Variants in SLC36A1 observed in about 807,000 individuals in gnomAD.
SLC36A1 encodes solute carrier family 36 member 1.
A neutral mutation model predicts 47.5 loss-of-function variants in SLC36A1; 30 were observed. The ratio of observed to expected loss-of-function variants is 0.63; its 90% CI spans 0.47 to 0.86. SLC36A1 has a LOEUF of 0.86. SLC36A1 is among the 40% of genes least tolerant of loss of function. The probability of loss-of-function intolerance (pLI) is 0.00; values close to 1 mark genes in which losing one functional copy is unlikely to be tolerated. For synonymous variants in SLC36A1, 255 were observed against 249.7 expected, an observed-to-expected ratio of 1.02 and a Z score of -0.20; for missense variants, 517 against 606.0, an observed-to-expected ratio of 0.85 and a Z score of 1.54.
chr5:151,532,381 G>T, the SLC36A1 span, among the ~76,000 whole-genome samples: 15 of 99,032 alleles, frequency 1.5e-4, no homozygotes, highest in African/African-American at 6.9e-4. Flanking sequence ...CTAAGTGTGC[G>T]TGTACAAACA....
chr5:151,495,821 C>T (rs1227556487), downstream of SLC36A1, among the ~76,000 whole-genome samples: 1 of 152,000 alleles, frequency 6.6e-6, no homozygotes, highest in Non-Finnish European at 1.5e-5. Context: ...GTATAATTTC[C>T]TTGATGTTCA....
the SLC36A1 span, among the ~76,000 whole-genome samples, chr5:151,356,405 A>C: frequency 1.3e-5 from 2 of 151,000 alleles, no homozygotes; most frequent in South Asian, 4.2e-4. Context: ...AAGTGCTACG[A>C]GAGAGAGATG....
chr5:151,480,185 C>T (rs529517780), intron 10 of SLC36A1: 3 of 740,810 alleles, frequency 4.0e-6, no homozygotes, highest in Middle Eastern at 4.1e-4. Flanking sequence ...CTGAGCAAAT[C>T]GGTTGATAAT....
At chr5:151,436,501 C>T (rs1400762770), upstream of SLC36A1, among the ~76,000 whole-genome samples, 1 of 151,898 alleles carries the variant, frequency 6.6e-6, no homozygotes, top group Non-Finnish European at 1.5e-5. Flanking sequence ...CACAGGTTCT[C>T]ACACAACCAT....
chr5:151,516,648 T>A, the SLC36A1 span, among the ~76,000 whole-genome samples: 1 of 152,234 alleles, frequency 6.6e-6, no homozygotes, highest in Admixed American at 6.5e-5. Flanking sequence ...ATGTTTATTG[T>A]CAGTCTCTCC....
At chr5:151,461,719 G>A (rs1002510701) in intron 2 of SLC36A1, among the ~76,000 whole-genome samples, 13 of 152,054 alleles carry the variant, frequency 8.5e-5, no homozygotes, top group South Asian at 8.3e-4. Context: ...ACTAGTTGTC[G>A]TTGTATTTTT....
At chr5:151,529,230 G>A in the SLC36A1 span, 2 of 1,614,114 alleles carry the variant, frequency 1.2e-6, no homozygotes, top group African/African-American at 1.3e-5. Flanking sequence ...TGTGCTATAT[G>A]GATCTTGGGG....
At chr5:151,461,781 T>C (rs923491669) in intron 2 of SLC36A1, among the ~76,000 whole-genome samples, 2 of 152,220 alleles carry the variant, frequency 1.3e-5, no homozygotes, top group Admixed American at 6.5e-5. Flanking sequence ...ATAATGTCTT[T>C]GATGAAACTG....
chr5:151,422,442 A>G, the SLC36A1 span, among the ~76,000 whole-genome samples: 67,301 of 152,100 alleles, frequency 0.44, 15,302 homozygotes, highest in East Asian at 0.56. Context: ...AGGGCCTGGA[A>G]CAGTGGCTCA....
the SLC36A1 span, chr5:151,431,142 A>C: frequency 6.6e-6 from 1 of 152,036 alleles, no homozygotes; most frequent in African/African-American, 2.4e-5. Flanking sequence ...ACTTCTCTAC[A>C]CCTCTTTGCT....
the SLC36A1 span, chr5:151,549,507 T>C: frequency 6.2e-7 from 1 of 1,614,020 alleles, no homozygotes; most frequent in African/African-American, 1.3e-5. Flanking sequence ...GTCTCGGACC[T>C]ATGGGCCCAA....
chr5:151,473,449 C>A (rs1478016420), intron 7 of SLC36A1, among the ~76,000 whole-genome samples: 2 of 151,982 alleles, frequency 1.3e-5, no homozygotes, highest in Admixed American at 6.6e-5. Flanking sequence ...TTTAATAGTA[C>A]CTTGGGCTTG....
chr5:151,549,213 T>C, the SLC36A1 span: 2 of 1,318,644 alleles, frequency 1.5e-6, no homozygotes, highest in Non-Finnish European at 2.1e-6. Context: ...CTTGATTAAT[T>C]TGCGAATTCA....
the SLC36A1 span, among the ~76,000 whole-genome samples, chr5:151,554,974 C>T: frequency 1.3e-5 from 2 of 152,186 alleles, no homozygotes; most frequent in East Asian, 1.9e-4. Flanking sequence ...CTACTTTTTA[C>T]TTGCTTGTGT....
chr5:151,376,657 A>C, the SLC36A1 span, among the ~76,000 whole-genome samples: 1 of 151,274 alleles, frequency 6.6e-6, no homozygotes, highest in Non-Finnish European at 1.5e-5. Flanking sequence ...TTTGAGATGG[A>C]GTTTCACTCT....
At chr5:151,364,490 T>C in the SLC36A1 span, among the ~76,000 whole-genome samples, 1 of 152,222 alleles carries the variant, frequency 6.6e-6, no homozygotes, top group East Asian at 1.9e-4. Flanking sequence ...ATCTTGGTAT[T>C]GTCTGCCTCT....
chr5:151,416,109 A>G, the SLC36A1 span, among the ~76,000 whole-genome samples: 29 of 152,158 alleles, frequency 1.9e-4, no homozygotes, highest in Non-Finnish European at 3.8e-4. Context: ...GTGAAATTCC[A>G]TCTCAAAAAA....
At chr5:151,436,767 G>C (rs1479578658), upstream of SLC36A1, among the ~76,000 whole-genome samples, 1 of 152,094 alleles carries the variant, frequency 6.6e-6, no homozygotes, top group African/African-American at 2.4e-5. Context: ...TAGGAGAAAG[G>C]TAGCTGAAGC....
the SLC36A1 span, among the ~76,000 whole-genome samples, chr5:151,394,038 G>T: frequency 3.9e-5 from 6 of 152,118 alleles, no homozygotes; most frequent in African/African-American, 1.4e-4. Flanking sequence ...TTTCAGGTAC[G>T]CCAATCAGAC....
Sources: gnomAD v4.1 joint callset for allele counts (sites outside exome capture counted in the v4.1 genomes callset) on GRCh38, gnomAD v4.1.1 for gene constraint, MANE v1.5 for transcripts, NCBI Gene and HGNC (gene_info 2026-07-23, HGNC 2026-07-21) for gene names.